The following CYTH3 variants were observed in gnomAD, a reference collection of about 807,000 sequenced individuals.
The protein encoded by CYTH3 is cytohesin 3, also known as cytohesin-3.
Under a neutral mutation model 55.1 loss-of-function variants are expected in CYTH3, and 23 were observed. That is an observed-to-expected ratio of 0.42 (90% CI 0.30 to 0.59). The LOEUF (loss-of-function observed/expected upper bound fraction) is 0.59, where lower values mean the gene tolerates loss of function less well. CYTH3 is among the 20% of genes least tolerant of loss of function. The pLI is 0.20. For synonymous variants in CYTH3, 249 were observed against 194.9 expected, an observed-to-expected ratio of 1.28 and a Z score of -2.31; for missense variants, 413 against 524.8, an observed-to-expected ratio of 0.79 and a Z score of 2.08.
intron 1 of CYTH3, among the ~76,000 whole-genome samples, chr7:6,269,022 C>A (rs770377901): frequency 1.3e-5 from 2 of 152,132 alleles, no homozygotes; most frequent in Non-Finnish European, 2.9e-5. Flanking sequence ...AAGGTACCTG[C>A]CAGAGACACT....
chr7:6,271,944 C>T (rs1482871141), intron 1 of CYTH3, among the ~76,000 whole-genome samples: 1 of 152,164 alleles, frequency 6.6e-6, no homozygotes, highest in Non-Finnish European at 1.5e-5. Flanking sequence ...GTTTCTGACC[C>T]AAAGCCAAGC....
rs755291134 is a variant in CYTH3 at position 6,171,449 on chromosome 7, C to T, written c.450-135G>A. The T allele has an allele frequency of 8.7e-6, 6 of 690,788 alleles. No individual in the cohort carries two copies. Among genetic ancestry groups the T allele is most frequent in the Non-Finnish European group, 1.5e-5 (6 of 404,874 alleles). 42.8% of individuals were successfully genotyped at this position (690,788 alleles called of 1,614,324 possible). A position where few individuals can be genotyped will look rare whatever the true frequency, so the allele number is the denominator to read the frequency against. On this transcript the variant is annotated intron_variant, in intron 6 of 12. Coordinates refer to ENST00000350796, the MANE Select transcript of CYTH3 (RefSeq NM_004227.4). The surrounding 1 kb of genome is among the most constrained non-coding windows in gnomAD (Gnocchi z 6.7). ...TACAGCTCTGGCAGGGGCTTGGGGG[C>T]GCAGAGACAGAAAGGAGAAGACCCA... is the stretch of plus-strand genomic sequence containing the variant.
chr7:6,249,862 C>G (rs1779915978), intron 1 of CYTH3, among the ~76,000 whole-genome samples: 1 of 152,202 alleles, frequency 6.6e-6, no homozygotes, highest in Non-Finnish European at 1.5e-5. Flanking sequence ...TTACCTTGTG[C>G]TTGTGTAGTG....
chr7:6,188,648 G>C (rs1286686488), intron 2 of CYTH3: 1 of 152,318 alleles, frequency 6.6e-6, no homozygotes, highest in Non-Finnish European at 1.5e-5. Flanking sequence ...GAAGCCAAAT[G>C]CATCCAAGGG....
chr7:6,165,078 C>T, intron 12 of CYTH3, 62 bp from the exon 13 acceptor site: 1 of 1,606,510 alleles, frequency 6.2e-7, no homozygotes, highest in Non-Finnish European at 8.5e-7. Context: ...TCCCCTTTCC[C>T]ACCAGCCCCA....
At chr7:6,213,476 G>A (rs1022201368) in intron 1 of CYTH3, among the ~76,000 whole-genome samples, 4 of 152,038 alleles carry the variant, frequency 2.6e-5, no homozygotes, top group Non-Finnish European at 4.4e-5. Flanking sequence ...CAACAACGAC[G>A]GCTCTGATTC....
chr7:6,256,137 G>C (rs967236922), intron 1 of CYTH3, among the ~76,000 whole-genome samples: 5 of 152,204 alleles, frequency 3.3e-5, no homozygotes, highest in African/African-American at 9.7e-5. Context: ...CAGCACTCCT[G>C]TAAAATCTGT....
chr7:6,248,947 C>T (rs1010793816), intron 1 of CYTH3, among the ~76,000 whole-genome samples: 1 of 152,194 alleles, frequency 6.6e-6, no homozygotes, highest in Non-Finnish European at 1.5e-5. Context: ...CTGGAAGTTG[C>T]CAATGACCAT....
At chr7:6,264,224 G>A (rs1169500219) in intron 1 of CYTH3, among the ~76,000 whole-genome samples, 1 of 151,916 alleles carries the variant, frequency 6.6e-6, no homozygotes, top group Non-Finnish European at 1.5e-5. Flanking sequence ...TCCAGCCTGG[G>A]CAACAAGGGC....
chr7:6,226,509 A>C (rs1779254617), intron 1 of CYTH3, among the ~76,000 whole-genome samples: 1 of 152,222 alleles, frequency 6.6e-6, no homozygotes, highest in Admixed American at 6.5e-5. Context: ...TTTATCTCAC[A>C]GTCCAGGAAA....
intron 4 of CYTH3, among the ~76,000 whole-genome samples, chr7:6,180,869 T>G (rs991287177): frequency 1.3e-5 from 2 of 152,220 alleles, no homozygotes; most frequent in Admixed American, 1.3e-4. Flanking sequence ...TATATTATTT[T>G]ATTAATACCC....
Position 6,170,750 on chromosome 7 carries a change from T to G in CYTH3, c.711+80A>C. 6.4e-7 allele frequency: 1 copy of G among 1,565,904 alleles called. No individual in the cohort carries two copies. The highest frequency in any genetic ancestry group is 1.2e-5 in the South Asian group (1 of 85,758). ...GGGCGGCAAGGAGGCTTGGGAGGCG[T>G]GTCTAGAGCCGCGGGCGCTGCGGCC... On this transcript the variant is annotated intron_variant, in intron 8 of 12. Coordinates refer to ENST00000350796, the MANE Select transcript of CYTH3 (RefSeq NM_004227.4). The surrounding 1 kb of genome is among the most constrained non-coding windows in gnomAD (Gnocchi z 7.8).
At chr7:6,254,357 C>T (rs1780048445) in intron 1 of CYTH3, among the ~76,000 whole-genome samples, 1 of 152,122 alleles carries the variant, frequency 6.6e-6, no homozygotes, top group Non-Finnish European at 1.5e-5. Context: ...TATGGAATGA[C>T]TGTTAGTTAT....
In CYTH3 at chr7:6,236,404, C is replaced by G. The variant is rs184230854; in HGVS notation, c.34+36070G>C. ...TTTTTACTTTTTGTACAGACAGGGT[C>G]TTGCTATGTTGCCCAGGCTGGTCTT... On this transcript the variant is annotated intron_variant, in intron 1 of 12. Coordinates refer to ENST00000350796, the MANE Select transcript of CYTH3 (RefSeq NM_004227.4). Among the ~76,000 whole-genome samples, 375 of 142,656 alleles carry G rather than the reference C, an allele frequency of 2.6e-3. 2 individuals are homozygous for G. Among genetic ancestry groups the G allele is most frequent in the African/African-American group, 9.4e-3 (360 of 38,336 alleles). The allele number at this position is 142,656 out of a possible 152,430, so 93.6% of individuals were successfully genotyped here. A position where few individuals can be genotyped will look rare whatever the true frequency, so the allele number is the denominator to read the frequency against.
At chr7:6,229,821 G>GAAA (rs1255742660) in intron 1 of CYTH3, among the ~76,000 whole-genome samples, 14 of 96,718 alleles carry the variant, frequency 1.4e-4, no homozygotes, top group African/African-American at 5.0e-4. Flanking sequence ...TGTCTCAAAA[G>GAAA]AAAAAAAAAA....
Position 6,170,869 on chromosome 7 carries a change from G to A in CYTH3, c.672C>T (p.Gly224=). The part of the protein sequence containing the change: ...TAERFIAMNR[G]INEGGDLPEE... ...CAGGGAGGTCCCCGCCCTCGTTGAT[G>A]CCGCGGTTCATGGCGATGAACCGTT... The change falls in exon 8 of 13, where the codon GGC becomes GGT. Residue 224 remains glycine, a synonymous_variant. Coordinates refer to ENST00000350796, the MANE Select transcript of CYTH3 (RefSeq NM_004227.4). This position sits in a 1 kb window ranked among gnomAD's most constrained non-coding sequence, Gnocchi z 7.8. 1 of 1,613,510 alleles carries A rather than the reference G, an allele frequency of 6.2e-7. No individual in the cohort carries two copies. Among genetic ancestry groups the A allele is most frequent in the Non-Finnish European group, 8.5e-7 (1 of 1,179,744 alleles).
intron 1 of CYTH3, among the ~76,000 whole-genome samples, chr7:6,252,640 A>C (rs1041924043): frequency 6.6e-6 from 1 of 152,194 alleles, no homozygotes; most frequent in African/African-American, 2.4e-5. Flanking sequence ...CTACAGCTGG[A>C]TCCTGTATTA....
At chr7:6,209,337 A>G (rs562031947) in intron 1 of CYTH3, among the ~76,000 whole-genome samples, 1 of 152,262 alleles carries the variant, frequency 6.6e-6, no homozygotes, top group Admixed American at 6.5e-5. Flanking sequence ...TAAGATCTTG[A>G]ACGATGAATA....
rs1250231755 is a variant in CYTH3 at position 6,161,962 on chromosome 7, TTATTTACATATTACTA to T, written c.*2966_*2981del. On this transcript the variant is annotated 3_prime_UTR_variant, in exon 13 of 13. Coordinates refer to ENST00000350796, the MANE Select transcript of CYTH3 (RefSeq NM_004227.4). Reference sequence around the variant, plus strand: ...CACTCCAGAAATCAACAGATGTACATTATTTACATATTACTATATTTACCGCAAATAGAAATATTTT... The same window carrying T: ...CACTCCAGAAATCAACAGATGTACATTATTTACCGCAAATAGAAATATTTT... 1 of 152,620 alleles carries T rather than the reference TTATTTACATATTACTA, an allele frequency of 6.6e-6. No individual in the cohort carries two copies. The highest frequency in any genetic ancestry group is 1.5e-5 in the Non-Finnish European group (1 of 68,048). The allele number at this position is 152,620 out of a possible 1,614,324, so 9.5% of individuals were successfully genotyped here.
Sources: allele counts gnomAD v4.1 joint callset (sites outside exome capture counted in the v4.1 genomes callset), GRCh38; gene constraint gnomAD v4.1.1; non-coding constraint Gnocchi (gnomAD v3.1); transcripts MANE v1.5; gene names NCBI Gene and HGNC (gene_info 2026-07-23, HGNC 2026-07-21).